Variants in LRRTM4 observed in about 807,000 individuals in gnomAD.
LRRTM4 encodes the protein leucine-rich repeat transmembrane neuronal protein 4.
Under a neutral mutation model 47.6 loss-of-function variants are expected in LRRTM4, and 25 were observed. The observed-to-expected ratio is 0.53, with a 90% confidence interval of 0.38 to 0.73. The LOEUF (loss-of-function observed/expected upper bound fraction) is 0.73, where lower values mean the gene tolerates loss of function less well. Among genes scored for constraint, LRRTM4 ranks in the 30% least tolerant of loss-of-function variants. The pLI is 0.00. For synonymous variants in LRRTM4, 311 were observed against 269.5 expected (o/e 1.15, Z -1.51); for missense variants, 638 against 713.4 (o/e 0.89, Z 1.20).
chr2:76,862,543 A>G (rs1053967782), intron 3 of LRRTM4, among the ~76,000 whole-genome samples: 1 of 152,208 alleles, frequency 6.6e-6, no homozygotes, highest in Non-Finnish European at 1.5e-5. Flanking sequence ...GACTAGATAC[A>G]ATAACAATAG....
At chr2:76,915,032 G>A (rs1674196505) in intron 3 of LRRTM4, among the ~76,000 whole-genome samples, 1 of 152,200 alleles carries the variant, frequency 6.6e-6, no homozygotes, top group Non-Finnish European at 1.5e-5. Flanking sequence ...GGCAAAGAGT[G>A]CCATTCAAGC....
intron 3 of LRRTM4, among the ~76,000 whole-genome samples, chr2:76,807,045 G>A (rs1389521204): frequency 6.6e-6 from 1 of 152,048 alleles, no homozygotes; most frequent in African/African-American, 2.4e-5. Flanking sequence ...TGCACTGTAG[G>A]CGAAGTGTGA....
chr2:77,364,674 C>A (rs528367053), intron 3 of LRRTM4, among the ~76,000 whole-genome samples: 7 of 152,006 alleles, frequency 4.6e-5, no homozygotes, highest in Non-Finnish European at 8.8e-5. Flanking sequence ...TGTAATGCAG[C>A]TTCTACCCCC....
intron 3 of LRRTM4, among the ~76,000 whole-genome samples, chr2:77,296,314 G>T (rs1439117563): frequency 6.6e-6 from 1 of 152,098 alleles, no homozygotes; most frequent in South Asian, 2.1e-4. Flanking sequence ...AAGTATCAAT[G>T]ACATTAAATG....
intron 3 of LRRTM4, among the ~76,000 whole-genome samples, chr2:76,799,576 A>C (rs1001210627): frequency 0.012 from 1,730 of 141,786 alleles, 46 homozygotes; most frequent in African/African-American, 0.042. Flanking sequence ...ACTCCTATTC[A>C]ACATAGTGTT....
chr2:77,124,208 A>G (rs1671597064), intron 3 of LRRTM4, among the ~76,000 whole-genome samples: 1 of 152,120 alleles, frequency 6.6e-6, no homozygotes, highest in Non-Finnish European at 1.5e-5. Context: ...CTGGGGCAAA[A>G]AAACAAAGAG....
chr2:77,251,167 ATG>A (rs1184888941), intron 3 of LRRTM4, among the ~76,000 whole-genome samples: 13 of 34,358 alleles, frequency 3.8e-4, no homozygotes, highest in Non-Finnish European at 7.3e-4. Flanking sequence ...ATACATATAT[ATG>A]TGTGTGTGTG....
chr2:76,980,951 C>A (rs1676589287), intron 3 of LRRTM4, among the ~76,000 whole-genome samples: 1 of 152,016 alleles, frequency 6.6e-6, no homozygotes, highest in Admixed American at 6.6e-5. Context: ...ATCTTATCTA[C>A]CTGGTTAACA....
intron 3 of LRRTM4, among the ~76,000 whole-genome samples, chr2:76,809,277 A>G (rs368022027): frequency 5.9e-5 from 9 of 152,132 alleles, no homozygotes; most frequent in African/African-American, 2.2e-4. Flanking sequence ...TACACCTTAT[A>G]AAATAGCTTT....
At chr2:76,818,398 A>G (rs1444130368) in intron 3 of LRRTM4, among the ~76,000 whole-genome samples, 1 of 151,784 alleles carries the variant, frequency 6.6e-6, no homozygotes. Context: ...CATGAAAGCT[A>G]TGCTCTTCCC....
intron 3 of LRRTM4, among the ~76,000 whole-genome samples, chr2:76,797,225 GT>G (rs1389935775): frequency 6.6e-6 from 1 of 151,998 alleles, no homozygotes; most frequent in Non-Finnish European, 1.5e-5. Context: ...GAAAGGTCGG[GT>G]TACCCTCAAA....
At position 77,082,727 on chromosome 2, in the gene LRRTM4, T is replaced by C. The variant is rs535976699; in HGVS notation, c.1552-333811A>G. 4.0e-5 allele frequency among the ~76,000 whole-genome samples: 6 copies of C among 151,208 alleles called. No homozygotes were observed. The South Asian group carries it at 1.2e-3, about 31-fold the overall frequency. On this transcript the variant is annotated intron_variant, in intron 3 of 3. Transcript: ENST00000409884. Reference sequence around the variant, plus strand: ...AATATCCTATTTGTTCTGGAATTAATGTCAGAGAAAAAAAGTCTATTTTGA... The same window carrying C: ...AATATCCTATTTGTTCTGGAATTAACGTCAGAGAAAAAAAGTCTATTTTGA...
At chr2:77,065,986 A>T (rs942270560) in intron 3 of LRRTM4, among the ~76,000 whole-genome samples, 1 of 152,170 alleles carries the variant, frequency 6.6e-6, no homozygotes, top group Non-Finnish European at 1.5e-5. Context: ...GATCTAATAG[A>T]TCTATACAGT....
intron 3 of LRRTM4, among the ~76,000 whole-genome samples, chr2:77,027,088 C>T (rs1489256032): frequency 1.3e-5 from 2 of 152,062 alleles, no homozygotes; most frequent in Non-Finnish European, 2.9e-5. Flanking sequence ...GTGCCCACAA[C>T]CCACACCTCC....
chr2:76,998,507 CAGA>C (rs973439570), intron 3 of LRRTM4, among the ~76,000 whole-genome samples: 4 of 151,948 alleles, frequency 2.6e-5, no homozygotes, highest in East Asian at 1.9e-4. Context: ...CCAACACACA[CAGA>C]ACAACAGTAA....
chr2:77,506,593 A>G (rs1263722490), intron 3 of LRRTM4, among the ~76,000 whole-genome samples: 1 of 151,918 alleles, frequency 6.6e-6, no homozygotes, highest in African/African-American at 2.4e-5. Context: ...TGTTAGGGGT[A>G]TATGTGGAAA....
chr2:77,008,281 T>C (rs1224305475), intron 3 of LRRTM4, among the ~76,000 whole-genome samples: 2 of 152,176 alleles, frequency 1.3e-5, no homozygotes, highest in East Asian at 3.8e-4. Flanking sequence ...ACATCTTAAG[T>C]GAAAGCTGAT....
intron 3 of LRRTM4, among the ~76,000 whole-genome samples, chr2:77,006,734 G>A (rs981279980): frequency 1.3e-5 from 2 of 152,160 alleles, no homozygotes; most frequent in Admixed American, 6.5e-5. Context: ...TAGAGGGATT[G>A]CGACTGGACA....
intron 3 of LRRTM4, among the ~76,000 whole-genome samples, chr2:77,033,985 G>C (rs922054060): frequency 2.6e-5 from 4 of 151,704 alleles, no homozygotes; most frequent in African/African-American, 9.7e-5. Flanking sequence ...AAGATTTCAA[G>C]ATTTTTTAAT....
Sources: gnomAD v4.1 joint callset for allele counts (sites outside exome capture counted in the v4.1 genomes callset) on GRCh38, gnomAD v4.1.1 for gene constraint, MANE v1.5 for transcripts, NCBI Gene and HGNC (gene_info 2026-07-23, HGNC 2026-07-21) for gene names.